BNC2: variants seen among roughly 807,000 people sequenced by gnomAD.
The protein encoded by BNC2 is basonuclin zinc finger protein 2.
BNC2 carries 20 observed loss-of-function variants against 76.3 expected under a neutral mutation model. That is an observed-to-expected ratio of 0.26 (90% CI 0.18 to 0.38). The LOEUF is 0.38. Among genes scored for constraint, BNC2 ranks in the 10% least tolerant of loss-of-function variants. The pLI, the probability that BNC2 is intolerant of heterozygous loss-of-function variation, is 1.00. For synonymous variants in BNC2, 582 were observed against 514.8 expected, an observed-to-expected ratio of 1.13 and a Z score of -1.77; for missense variants, 1,382 against 1,399.8, an observed-to-expected ratio of 0.99 and a Z score of 0.20.
intron 3 of BNC2, among the ~76,000 whole-genome samples, chr9:16,650,821 C>T (rs570361912): frequency 1.4e-4 from 22 of 152,108 alleles, no homozygotes; most frequent in Admixed American, 1.1e-3. Flanking sequence ...TCCTAAGTGT[C>T]GCCTACTTTC....
At chr9:16,792,937 T>C (rs1817553630) in intron 1 of BNC2, among the ~76,000 whole-genome samples, 1 of 152,272 alleles carries the variant, frequency 6.6e-6, no homozygotes, top group African/African-American at 2.4e-5. Context: ...GATTCCTCTC[T>C]AAATATAATC....
intron 1 of BNC2, among the ~76,000 whole-genome samples, chr9:16,779,774 G>C (rs1826072270): frequency 6.6e-6 from 1 of 152,190 alleles, no homozygotes; most frequent in African/African-American, 2.4e-5. Context: ...ATGTCCAGAA[G>C]AGGCAATCCA....
At chr9:16,818,076 G>A (rs1234752551) in intron 1 of BNC2, among the ~76,000 whole-genome samples, 1 of 152,030 alleles carries the variant, frequency 6.6e-6, no homozygotes, top group African/African-American at 2.4e-5. Context: ...AAGCAAAAAT[G>A]GCAAGCCTGC....
At chr9:16,813,236 A>T (rs780064689) in intron 1 of BNC2, among the ~76,000 whole-genome samples, 1 of 151,398 alleles carries the variant, frequency 6.6e-6, no homozygotes, top group Non-Finnish European at 1.5e-5. Context: ...TACCCACAAC[A>T]TTACCATAAC....
chr9:16,862,515 G>A (rs192207131), intron 1 of BNC2, among the ~76,000 whole-genome samples: 5 of 152,200 alleles, frequency 3.3e-5, no homozygotes, highest in East Asian at 1.9e-4. Flanking sequence ...TAGATACCCC[G>A]TCCCAGCGCT....
chr9:16,696,923 T>C (rs1360488465), intron 3 of BNC2, among the ~76,000 whole-genome samples: 1 of 152,214 alleles, frequency 6.6e-6, no homozygotes, highest in African/African-American at 2.4e-5. Flanking sequence ...TGTCACCCTG[T>C]TGATCTGTGG....
intron 5 of BNC2, among the ~76,000 whole-genome samples, chr9:16,546,822 G>A (rs1423745203): frequency 1.3e-5 from 2 of 152,126 alleles, no homozygotes; most frequent in Non-Finnish European, 2.9e-5. Context: ...ATTCTGGAAA[G>A]ACAGGCTGGT....
chr9:16,765,713 A>AAACTGTGT (rs1207049976), intron 1 of BNC2, among the ~76,000 whole-genome samples: 19 of 152,258 alleles, frequency 1.2e-4, no homozygotes, highest in Non-Finnish European at 1.8e-4. Flanking sequence ...CTGGGCAATG[A>AAACTGTGT]AACTGTGTAT....
In BNC2 at chr9:16,425,641, A is replaced by G. The variant is rs185581151; in HGVS notation, c.2640-5992T>C. Among the ~76,000 whole-genome samples, 338 of 152,356 alleles carry G rather than the reference A, an allele frequency of 2.2e-3. 2 individuals carry two copies. Among genetic ancestry groups the G allele is most frequent in the African/African-American group, 7.6e-3 (315 of 41,600 alleles). ...TAATATGCTAATAAGAAAGCATGAC[A>G]TATATGGAAAAGCCAAACAGATGGT... On this transcript the variant is annotated intron_variant, in intron 6 of 6. Transcript: ENST00000380672.
chr9:16,470,212 T>A (rs1023783930), intron 5 of BNC2, among the ~76,000 whole-genome samples: 1 of 152,026 alleles, frequency 6.6e-6, no homozygotes, highest in East Asian at 1.9e-4. Context: ...TTAGCCAGGA[T>A]GGTCTCAATC....
intron 1 of BNC2, among the ~76,000 whole-genome samples, chr9:16,842,992 A>G (rs1032596725): frequency 6.6e-6 from 1 of 152,140 alleles, no homozygotes; most frequent in African/African-American, 2.4e-5. Flanking sequence ...CCTCAAGTGA[A>G]GGCCTGAACT....
intron 3 of BNC2, among the ~76,000 whole-genome samples, chr9:16,618,146 C>A (rs1185960015): frequency 6.6e-6 from 1 of 152,162 alleles, no homozygotes; most frequent in African/African-American, 2.4e-5. Flanking sequence ...CGCCAGCTAC[C>A]CTCTCAGTGA....
At chr9:16,598,110 C>A (rs1016574542) in intron 3 of BNC2, among the ~76,000 whole-genome samples, 3 of 152,138 alleles carry the variant, frequency 2.0e-5, no homozygotes, top group Non-Finnish European at 4.4e-5. Flanking sequence ...CTATTCACAT[C>A]ACGTGCTAGA....
At chr9:16,657,075 G>A (rs1821951705) in intron 3 of BNC2, among the ~76,000 whole-genome samples, 1 of 152,142 alleles carries the variant, frequency 6.6e-6, no homozygotes, top group South Asian at 2.1e-4. Flanking sequence ...TTTTGAAGTG[G>A]ATCAACCGAG....
chr9:16,858,842 T>C (rs1450769930), intron 1 of BNC2, among the ~76,000 whole-genome samples: 9 of 146,602 alleles, frequency 6.1e-5, no homozygotes, highest in Non-Finnish European at 1.2e-4. Context: ...GGAGACTCCA[T>C]CTCAAAAAAA....
intron 5 of BNC2, among the ~76,000 whole-genome samples, chr9:16,519,309 G>A (rs932019782): frequency 1.3e-5 from 2 of 152,212 alleles, no homozygotes; most frequent in Non-Finnish European, 2.9e-5. Flanking sequence ...AGTAGCCCTA[G>A]TTGAATGGAT....
intron 5 of BNC2, among the ~76,000 whole-genome samples, chr9:16,524,971 G>C (rs889386182): frequency 6.6e-6 from 1 of 151,710 alleles, no homozygotes; most frequent in Non-Finnish European, 1.5e-5. Context: ...CACTCAGAAG[G>C]CTAAGGTGGG....
intron 1 of BNC2, among the ~76,000 whole-genome samples, chr9:16,760,357 C>T (rs1276819584): frequency 1.3e-5 from 2 of 152,272 alleles, no homozygotes; most frequent in African/African-American, 4.8e-5. Flanking sequence ...CTAAATCATG[C>T]ATTTTCAATA....
chr9:16,517,034 G>A (rs376531571), intron 5 of BNC2, among the ~76,000 whole-genome samples: 11 of 152,172 alleles, frequency 7.2e-5, no homozygotes, highest in African/African-American at 2.2e-4. Flanking sequence ...ATATCCAGAC[G>A]AAGCCAAAAA....
Sources: allele counts gnomAD v4.1 joint callset (sites outside exome capture counted in the v4.1 genomes callset), GRCh38; gene constraint gnomAD v4.1.1; transcripts MANE v1.5; gene names NCBI Gene and HGNC (gene_info 2026-07-23, HGNC 2026-07-21).